The following IQSEC1 variants were observed in gnomAD, a reference collection of about 807,000 sequenced individuals.
IQSEC1 encodes the protein IQ motif and SEC7 domain-containing protein 1.
Under a neutral mutation model 91.0 loss-of-function variants are expected in IQSEC1, and 31 were observed. The observed-to-expected ratio is 0.34, with a 90% CI of 0.26 to 0.46. The LOEUF (loss-of-function observed/expected upper bound fraction) is 0.46, where lower values mean the gene tolerates loss of function less well. Ranked by LOEUF, IQSEC1 falls within the 20% of genes least tolerant of loss-of-function variation. IQSEC1 has a pLI of 1.00. For missense variants in IQSEC1, 1,388 were observed against 1,575.6 expected (o/e 0.88, Z 2.02); for synonymous variants, 699 against 662.6 (o/e 1.05, Z -0.84).
rs1694374015 is a variant in IQSEC1 at position 13,207,951 on chromosome 3, C to A, written c.273-43818G>T. 6.6e-6 allele frequency among the ~76,000 whole-genome samples: 1 copy of A among 152,296 alleles called. No homozygotes were observed. The highest frequency in any genetic ancestry group is 2.1e-4 in the South Asian group (1 of 4,822). On this transcript the variant is annotated intron_variant, in intron 1 of 15. Transcript: ENST00000648114. This position sits in a 1 kb window ranked among gnomAD's most constrained non-coding sequence, Gnocchi z 4.8. ...TGTCACTACAGAACCCCCAGCATGG[C>A]ACATAGCAGTTGCTCAACAAATGCA... is the stretch of plus-strand genomic sequence containing the variant.
chr3:13,200,917 C>T (rs942697295), intron 1 of IQSEC1, among the ~76,000 whole-genome samples: 1 of 152,144 alleles, frequency 6.6e-6, no homozygotes, highest in Admixed American at 6.5e-5. Flanking sequence ...GGTGAGTTAA[C>T]AGTGGAAAGC....
chr3:13,280,936 C>T (rs1019382066), intron 1 of IQSEC1, among the ~76,000 whole-genome samples: 3 of 152,270 alleles, frequency 2.0e-5, no homozygotes, highest in Non-Finnish European at 2.9e-5. Context: ...CTTCCCATCC[C>T]GGCTTCCCGG....
chr3:13,217,788 A>G (rs1694578202), intron 1 of IQSEC1, among the ~76,000 whole-genome samples: 1 of 152,218 alleles, frequency 6.6e-6, no homozygotes, highest in East Asian at 1.9e-4. Flanking sequence ...CATTACTTGA[A>G]ATAGAAAAGA....
chr3:13,266,426 C>T (rs1209734491), intron 1 of IQSEC1, among the ~76,000 whole-genome samples: 4 of 152,174 alleles, frequency 2.6e-5, no homozygotes, highest in African/African-American at 9.7e-5. Flanking sequence ...AAAAGTCAAG[C>T]TCAGCCTGCA....
At chr3:13,249,908 C>A (rs568160745) in intron 1 of IQSEC1, among the ~76,000 whole-genome samples, 8 of 152,234 alleles carry the variant, frequency 5.3e-5, no homozygotes, top group Admixed American at 1.3e-4. Flanking sequence ...CCACTAACCA[C>A]GCAGATGCCC....
chr3:13,270,368 C>A (rs887787908), intron 1 of IQSEC1, among the ~76,000 whole-genome samples: 1 of 152,236 alleles, frequency 6.6e-6, no homozygotes, highest in Non-Finnish European at 1.5e-5. Context: ...AAAACCTACC[C>A]TGAGGCAGGA....
At chr3:13,208,250 A>G (rs1471700917) in intron 1 of IQSEC1, among the ~76,000 whole-genome samples, 2 of 151,196 alleles carry the variant, frequency 1.3e-5, no homozygotes, top group Non-Finnish European at 2.9e-5. Context: ...TCCTCTCCAA[A>G]TACCTTCCCT....
intron 2 of IQSEC1, among the ~76,000 whole-genome samples, chr3:13,118,965 T>C (rs2643034): frequency 0.89 from 135,792 of 152,070 alleles, 60,794 homozygotes; most frequent in African/African-American, 0.95. Context: ...CCCAGCTACT[T>C]GGGAAGCTGA....
At chr3:13,027,963 G>A (rs1049245758) in intron 1 of IQSEC1, among the ~76,000 whole-genome samples, 5 of 152,214 alleles carry the variant, frequency 3.3e-5, no homozygotes. Context: ...ATCTGTGAGT[G>A]TCTAGCCCAC....
intron 2 of IQSEC1, among the ~76,000 whole-genome samples, chr3:13,144,313 C>T (rs1706849326): frequency 6.6e-6 from 1 of 152,180 alleles, no homozygotes; most frequent in Non-Finnish European, 1.5e-5. Flanking sequence ...TGTGCTGTGG[C>T]CAAACCCAGC....
intron 1 of IQSEC1, among the ~76,000 whole-genome samples, chr3:12,953,898 G>A (rs934547943): frequency 1.3e-5 from 2 of 152,240 alleles, no homozygotes; most frequent in African/African-American, 4.8e-5. Context: ...CATCACAGTG[G>A]AGTCAGTGAG....
At chr3:13,178,644 T>G (rs1000409548) in intron 1 of IQSEC1, among the ~76,000 whole-genome samples, 1 of 152,168 alleles carries the variant, frequency 6.6e-6, no homozygotes, top group Non-Finnish European at 1.5e-5. Context: ...GCAGGCAACC[T>G]ATGCACTCAA....
intron 1 of IQSEC1, among the ~76,000 whole-genome samples, chr3:13,200,659 G>A (rs981296139): frequency 6.6e-6 from 1 of 152,240 alleles, no homozygotes; most frequent in African/African-American, 2.4e-5. Flanking sequence ...ACGGCTGCTA[G>A]CCCCTGCTCT....
chr3:12,945,223 G>A (rs1408026297), intron 1 of IQSEC1, among the ~76,000 whole-genome samples: 9 of 152,144 alleles, frequency 5.9e-5, no homozygotes, highest in Admixed American at 5.9e-4. Flanking sequence ...GATTGCAATG[G>A]TGGTGGCCTG....
intron 1 of IQSEC1, among the ~76,000 whole-genome samples, chr3:13,071,159 T>TTG (rs1181542392): frequency 7.7e-4 from 93 of 120,246 alleles, no homozygotes; most frequent in African/African-American, 2.5e-3. Flanking sequence ...TTTTGTTTTT[T>TTG]TTTTTTTGTT....
intron 2 of IQSEC1, among the ~76,000 whole-genome samples, chr3:13,161,427 C>G (rs114091609): frequency 1.8e-4 from 27 of 152,288 alleles, no homozygotes; most frequent in African/African-American, 6.0e-4. Context: ...AGACCCCGCA[C>G]GGACACTGCT....
At chr3:12,938,393 C>T (rs1575978253) in intron 2 of IQSEC1, among the ~76,000 whole-genome samples, 1 of 152,172 alleles carries the variant, frequency 6.6e-6, no homozygotes, top group Admixed American at 6.5e-5. Context: ...GGCTCAGGGC[C>T]ACGCAGGGCC....
intron 1 of IQSEC1, among the ~76,000 whole-genome samples, chr3:13,194,837 A>G (rs1694098587): frequency 6.6e-6 from 1 of 152,218 alleles, no homozygotes; most frequent in Non-Finnish European, 1.5e-5. Context: ...CCTCAACCTC[A>G]GACCCTAACC....
intron 1 of IQSEC1, among the ~76,000 whole-genome samples, chr3:13,209,108 G>A (rs1694399029): frequency 6.6e-6 from 1 of 152,234 alleles, no homozygotes; most frequent in Admixed American, 6.5e-5. Flanking sequence ...CCCTTTGGCT[G>A]AGCCCAGGCG....
Sources: allele counts gnomAD v4.1 joint callset (sites outside exome capture counted in the v4.1 genomes callset), GRCh38; gene constraint gnomAD v4.1.1; non-coding constraint Gnocchi (gnomAD v3.1); transcripts MANE v1.5; gene names NCBI Gene and HGNC (gene_info 2026-07-23, HGNC 2026-07-21).